MEI1: variants seen among roughly 807,000 people sequenced by gnomAD.
The protein encoded by MEI1 is meiotic double-stranded break formation protein 1.
In MEI1, 103 loss-of-function variants were observed where a neutral mutation model predicts 146.2. The observed-to-expected ratio is 0.70, with a 90% CI of 0.60 to 0.83. MEI1 has a LOEUF of 0.83. MEI1 is among the 40% of genes least tolerant of loss of function. MEI1 has a pLI of 0.00. For synonymous variants in MEI1, 652 were observed against 628.2 expected (o/e 1.04, Z -0.57); for missense variants, 1,529 against 1,533.0 (o/e 1.00, Z 0.04).
chr22:41,784,628 C>T lies in MEI1; in HGVS notation c.3190C>T (p.Arg1064Trp), dbSNP rs778265804. Reference sequence around the variant, plus strand: ...TCCAGCTGCCATCTTATGCTTCCTGCGGACAGCCCTGCGACAAAGCTTTTC... The same window carrying T: ...TCCAGCTGCCATCTTATGCTTCCTGTGGACAGCCCTGCGACAAAGCTTTTC... The part of the protein sequence containing the change: ...LLSAAILCFL[R>W]TALRQSFSSA... The change falls in exon 26 of 31, where the codon CGG (arginine) becomes TGG (tryptophan). Residue 1064 changes from arginine to tryptophan, a missense_variant. By Grantham distance (101) the Arg-to-Trp change is moderately radical. Coordinates refer to ENST00000401548, the MANE Select transcript of MEI1 (RefSeq NM_152513.4). The T allele has an allele frequency of 6.8e-6, 11 of 1,612,644 alleles. No individual in the cohort carries two copies. The highest frequency in any genetic ancestry group is 1.3e-5 in the African/African-American group (1 of 75,028).
chr22:41,761,867 T>G (rs866066395), intron 18 of MEI1, among the ~76,000 whole-genome samples: 2 of 152,216 alleles, frequency 1.3e-5, no homozygotes, highest in Non-Finnish European at 2.9e-5. Context: ...ATAGATGGAA[T>G]CATACAGTGT....
chr22:41,762,821 A>G (rs1452050980), intron 18 of MEI1, among the ~76,000 whole-genome samples: 5 of 152,084 alleles, frequency 3.3e-5, no homozygotes, highest in African/African-American at 1.2e-4. Context: ...TTTAATGATA[A>G]ATACAAGAAG....
At chr22:41,741,081 T>G (rs1449775648) in intron 11 of MEI1, among the ~76,000 whole-genome samples, 1 of 152,148 alleles carries the variant, frequency 6.6e-6, no homozygotes, top group Non-Finnish European at 1.5e-5. Context: ...CAGCTAAATT[T>G]TGTATTTTTA....
chr22:41,797,006 TA>T (rs1305678147), intron 30 of MEI1, among the ~76,000 whole-genome samples: 1 of 152,190 alleles, frequency 6.6e-6, no homozygotes, highest in Non-Finnish European at 1.5e-5. Context: ...TCTTTTTATT[TA>T]TTTTTTTTAA....
intron 26 of MEI1, among the ~76,000 whole-genome samples, chr22:41,792,279 C>CT (rs2148238371): frequency 1.3e-5 from 2 of 152,302 alleles, no homozygotes; most frequent in South Asian, 4.1e-4. Context: ...GCACTACAAA[C>CT]TGAGTGCTGA....
Position 41,718,108 on chromosome 22 carries a change from C to T in MEI1, c.567C>T (p.Tyr189=). 1.2e-6 allele frequency: 2 copies of T among 1,613,198 alleles called. No homozygotes were observed. The highest frequency in any genetic ancestry group is 1.7e-6 in the Non-Finnish European group (2 of 1,179,822). Residue 189 remains tyrosine, a synonymous_variant, in exon 6 of 31, where the codon TAC becomes TAT. Coordinates refer to ENST00000401548, the MANE Select transcript of MEI1 (RefSeq NM_152513.4). ...LMEHLLRGLV[Y]PSEGIQASVC... ...AGCATCTGTTGAGAGGCTTAGTATA[C>T]CCCAGTGAGGGCATACAAGCTTCTG...
chr22:41,778,018 C>T (rs1000366521), intron 21 of MEI1, among the ~76,000 whole-genome samples: 1 of 151,274 alleles, frequency 6.6e-6, no homozygotes, highest in African/African-American at 2.4e-5. Flanking sequence ...CCTTCTCCTC[C>T]TTTCTTCCTT....
chr22:41,716,250 T>C, intron 5 of MEI1, 104 bp downstream of exon 5: 3 of 760,798 alleles, frequency 3.9e-6, no homozygotes, highest in Non-Finnish European at 6.5e-6. Flanking sequence ...GTCATTACTT[T>C]CCTGCTTTAG....
intron 1 of MEI1, among the ~76,000 whole-genome samples, chr22:41,701,992 T>C (rs2068748508): frequency 6.6e-6 from 1 of 152,170 alleles, no homozygotes; most frequent in Non-Finnish European, 1.5e-5. Flanking sequence ...ACATAATCTG[T>C]CAGATGAAGG....
At chr22:41,720,164 C>G (rs2070634230) in intron 6 of MEI1, among the ~76,000 whole-genome samples, 1 of 151,970 alleles carries the variant, frequency 6.6e-6, no homozygotes, top group African/African-American at 2.4e-5. Context: ...GAGAAGCTTC[C>G]TAAAGGAAAG....
chr22:41,752,422 G>A lies in MEI1; in HGVS notation c.1793-169G>A, dbSNP rs1028623223. 8.1e-6 allele frequency: 5 copies of A among 618,098 alleles called. No individual in the cohort carries two copies. In the South Asian group the frequency reaches 1.0e-4, roughly 12 times the overall value. 38.3% of individuals were successfully genotyped at this position (618,098 alleles called of 1,614,324 possible). ...ACAAATATCAAAACTGAGTCTCAGAGAAGTTAAAAAACTTTTCCGGAGTGA... is the reference window on the plus strand; with the variant it reads ...ACAAATATCAAAACTGAGTCTCAGAAAAGTTAAAAAACTTTTCCGGAGTGA... On this transcript the variant is annotated intron_variant, in intron 15 of 30. Coordinates refer to ENST00000401548, the MANE Select transcript of MEI1 (RefSeq NM_152513.4).
intron 3 of MEI1, among the ~76,000 whole-genome samples, chr22:41,712,263 C>T (rs1207863091): frequency 1.5e-5 from 2 of 131,116 alleles, no homozygotes; most frequent in Admixed American, 7.5e-5. Context: ...GATACGGAGT[C>T]TCGCTCTGTT....
chr22:41,710,182 G>A (rs1414608511), intron 3 of MEI1, among the ~76,000 whole-genome samples: 1 of 151,990 alleles, frequency 6.6e-6, no homozygotes, highest in Non-Finnish European at 1.5e-5. Context: ...ACCAAGCAAA[G>A]ACCATGTGAG....
intron 20 of MEI1, among the ~76,000 whole-genome samples, chr22:41,772,132 C>T (rs754109819): frequency 6.6e-6 from 1 of 152,196 alleles, no homozygotes; most frequent in Non-Finnish European, 1.5e-5. Flanking sequence ...CAAACCTGTA[C>T]AGCATGTTAC....
At chr22:41,728,373 G>A (rs1307849327) in intron 7 of MEI1, among the ~76,000 whole-genome samples, 1 of 152,148 alleles carries the variant, frequency 6.6e-6, no homozygotes, top group Non-Finnish European at 1.5e-5. Flanking sequence ...TCTTTTCTGT[G>A]CACTCAATAA....
intron 12 of MEI1, among the ~76,000 whole-genome samples, 185 bp from the exon 13 acceptor site, chr22:41,744,788 G>A (rs56663311): frequency 0.72 from 42,900 of 59,824 alleles, 16,710 homozygotes; most frequent in African/African-American, 0.91. Flanking sequence ...GTGAGCCACC[G>A]CGCCCGGCCT....
chr22:41,775,281 G>C (rs2075381130), intron 20 of MEI1, among the ~76,000 whole-genome samples: 1 of 152,152 alleles, frequency 6.6e-6, no homozygotes, highest in Non-Finnish European at 1.5e-5. Context: ...GCCTGACCTG[G>C]TCCTCACTTG....
Position 41,714,061 on chromosome 22 carries a change from G to C in MEI1, c.409G>C (p.Glu137Gln). ...GCAGACTATCCGTTGCCTGCTGGATGAGTGCCACAAAGAGGTCAGAAAATA... is the reference window on the plus strand; with the variant it reads ...GCAGACTATCCGTTGCCTGCTGGATCAGTGCCACAAAGAGGTCAGAAAATA... ...LEQTIRCLLD[E>Q]CHKELCNMPS... Residue 137 changes from glutamate to glutamine, a missense_variant, in exon 4 of 31, where the codon GAG becomes CAG. Physicochemically the swap from Glu to Gln is conservative, Grantham distance 29 (BLOSUM62 2). Transcript: ENST00000401548. 1 of 1,599,614 alleles carries C rather than the reference G, an allele frequency of 6.3e-7. No homozygotes were observed. The highest frequency in any genetic ancestry group is 8.5e-7 in the Non-Finnish European group (1 of 1,173,010).
In MEI1 at chr22:41,784,724, C is replaced by G; in HGVS notation, c.3286C>G (p.Pro1096Ala). 6.2e-7 allele frequency: 1 copy of G among 1,613,408 alleles called. No individual in the cohort carries two copies. Among genetic ancestry groups the G allele is most frequent in the African/African-American group, 1.3e-5 (1 of 75,002 alleles). Residue 1096 changes from proline to alanine, a missense_variant, in exon 26 of 31, where the codon CCA (proline) becomes GCA (alanine). Transcript: ENST00000401548. ...LPATKDTVLA[P>A]LRMSQVRSLV... Reference sequence around the variant, plus strand: ...AGCCACCAAGGACACTGTCCTAGCTCCACTGCGAATGTCGCAAGTCCGGTC... The same window carrying G: ...AGCCACCAAGGACACTGTCCTAGCTGCACTGCGAATGTCGCAAGTCCGGTC...
Sources: allele counts gnomAD v4.1 joint callset (sites outside exome capture counted in the v4.1 genomes callset), GRCh38; gene constraint gnomAD v4.1.1; transcripts MANE v1.5; gene names NCBI Gene and HGNC (gene_info 2026-07-23, HGNC 2026-07-21).